Variants in SIPA1L2 observed in about 807,000 individuals in gnomAD.
SIPA1L2 encodes signal induced proliferation associated 1 like 2.
Under a neutral mutation model 163.9 loss-of-function variants are expected in SIPA1L2, and 56 were observed. That is an observed-to-expected ratio of 0.34 (90% CI 0.28 to 0.43). The LOEUF (loss-of-function observed/expected upper bound fraction) is 0.43, where lower values mean the gene tolerates loss of function less well. SIPA1L2 is among the 20% of genes least tolerant of loss of function. The probability of loss-of-function intolerance (pLI) is 1.00; values close to 1 mark genes in which losing one functional copy is unlikely to be tolerated. For synonymous variants in SIPA1L2, 877 were observed against 865.7 expected (o/e 1.01, Z -0.23); for missense variants, 1,974 against 2,193.5 (o/e 0.90, Z 2.00).
intron 18 of SIPA1L2, among the ~76,000 whole-genome samples, chr1:232,417,458 C>T (rs542865007): frequency 6.6e-6 from 1 of 152,170 alleles, no homozygotes; most frequent in South Asian, 2.1e-4. Flanking sequence ...TCTACTTGTT[C>T]TGTGTGTGAT....
At chr1:232,538,636 T>C (rs979262751) in intron 2 of SIPA1L2, among the ~76,000 whole-genome samples, 4 of 152,126 alleles carry the variant, frequency 2.6e-5, no homozygotes, top group African/African-American at 4.8e-5. Context: ...TCTATGCTAA[T>C]TCCTACTTCA....
intron 2 of SIPA1L2, among the ~76,000 whole-genome samples, chr1:232,524,776 T>A (rs1667616136): frequency 6.6e-6 from 1 of 152,136 alleles, no homozygotes; most frequent in South Asian, 2.1e-4. Flanking sequence ...ACAAAGTATG[T>A]TAAAAATCTA....
intron 19 of SIPA1L2, among the ~76,000 whole-genome samples, chr1:232,409,761 G>C (rs915736936): frequency 6.6e-6 from 1 of 152,084 alleles, no homozygotes; most frequent in South Asian, 2.1e-4. Flanking sequence ...GCAGCTGCCT[G>C]AGTGACCCCA....
chr1:232,576,072 T>G (rs1264336004), intron 1 of SIPA1L2, among the ~76,000 whole-genome samples: 1 of 152,196 alleles, frequency 6.6e-6, no homozygotes, highest in Non-Finnish European at 1.5e-5. Context: ...TGAAGAGGTC[T>G]GAAAATGGAT....
rs551115334 is a variant in SIPA1L2, at chr1:232,512,960, C to T, written c.1483+897G>A. Among the ~76,000 whole-genome samples the T allele has an allele frequency of 3.9e-5, 6 of 152,236 alleles. No individual in the cohort carries two copies. The South Asian group carries it at 6.2e-4, about 16-fold the overall frequency. Reference sequence around the variant, plus strand: ...GAGGTTATCCCTGGATCCCTGGGAGCAGGAAGAGGGCTGACGGGTGAAACT... The same window carrying T: ...GAGGTTATCCCTGGATCCCTGGGAGTAGGAAGAGGGCTGACGGGTGAAACT... On this transcript the variant is annotated intron_variant, in intron 3 of 22. Coordinates refer to ENST00000674635, the MANE Select transcript of SIPA1L2 (RefSeq NM_020808.5).
chr1:232,514,506 G>A lies in SIPA1L2; in HGVS notation c.834C>T (p.Phe278=), dbSNP rs1035447313. 2.5e-6 allele frequency: 4 copies of A among 1,614,072 alleles called. No individual in the cohort carries two copies. The African/African-American group carries it at 4.0e-5, about 16-fold the overall frequency. ...CCGACTCTGATTTCAACCTCCGTTT[G>A]AAAGGCTTGTCCCTGTCTCTCCCCA... ...LLMGRDRDKP[F]KRRLKSESVE... is the part of the protein sequence containing the mutation. The change falls in exon 3 of 23, where the codon TTC becomes TTT. Residue 278 remains phenylalanine (F), a synonymous_variant. Coordinates refer to ENST00000674635, the MANE Select transcript of SIPA1L2 (RefSeq NM_020808.5).
intron 19 of SIPA1L2, among the ~76,000 whole-genome samples, chr1:232,408,028 G>A (rs1294915259): frequency 6.6e-6 from 1 of 152,144 alleles, no homozygotes; most frequent in Non-Finnish European, 1.5e-5. Context: ...AACTTGACAT[G>A]ATTCTACGTA....
chr1:232,508,737 C>T (rs907799529), intron 3 of SIPA1L2, among the ~76,000 whole-genome samples: 2 of 152,158 alleles, frequency 1.3e-5, no homozygotes, highest in Non-Finnish European at 2.9e-5. Context: ...GGTTATCGCC[C>T]GTGAAAGGAA....
chr1:232,480,224 C>T (rs1049811008), intron 6 of SIPA1L2, among the ~76,000 whole-genome samples: 1 of 151,096 alleles, frequency 6.6e-6, no homozygotes, highest in South Asian at 2.1e-4. Flanking sequence ...ATTCTTGGCA[C>T]TTGATCTTCC....
chr1:232,584,741 A>G (rs920642820), intron 1 of SIPA1L2, among the ~76,000 whole-genome samples: 1 of 152,256 alleles, frequency 6.6e-6, no homozygotes, highest in Non-Finnish European at 1.5e-5. Flanking sequence ...TTCTTAAATC[A>G]TACTTAAATG....
chr1:232,517,103 CACTAGAAAGT>C (rs1667251591), intron 2 of SIPA1L2, among the ~76,000 whole-genome samples: 5 of 152,118 alleles, frequency 3.3e-5, no homozygotes, highest in African/African-American at 1.2e-4. Flanking sequence ...TGGCATAATG[CACTAGAAAGT>C]TGTATTCTTG....
Position 232,432,251 on chromosome 1 carries a change from G to A in SIPA1L2, c.4252C>T (p.Pro1418Ser). ...PPEEPEVTECPGMYSEMDVMS... is the reference protein window; with the variant it reads ...PPEEPEVTECSGMYSEMDVMS... ...AAGAACAGCCAGCCACCTTACCCGG[G>A]ACATTCAGTCACTTCAGGCTCCTCG... Residue 1418 changes from proline (P) to serine (S), a missense_variant, in exon 16 of 23, where the codon CCC becomes TCC. Pro to Ser is a moderately conservative substitution (Grantham distance 74). This residue lies in a region of SIPA1L2 where 1,079 missense variants were observed against 1,150.7 expected (regional missense o/e 0.94). Transcript: ENST00000674635. The A allele has an allele frequency of 6.2e-7, 1 of 1,613,390 alleles. No homozygotes were observed. The highest frequency in any genetic ancestry group is 8.5e-7 in the Non-Finnish European group (1 of 1,179,868).
intron 1 of SIPA1L2, among the ~76,000 whole-genome samples, chr1:232,629,007 A>T (rs924753960): frequency 3.3e-5 from 5 of 152,196 alleles, no homozygotes; most frequent in Admixed American, 6.5e-5. Flanking sequence ...TGTTTTGACC[A>T]AAATCATGTT....
chr1:232,474,732 TACA>T (rs1183319441), intron 7 of SIPA1L2, among the ~76,000 whole-genome samples: 2 of 151,640 alleles, frequency 1.3e-5, no homozygotes, highest in African/African-American at 4.9e-5. Flanking sequence ...CCAAAATATG[TACA>T]ACTATTATAT....
intron 10 of SIPA1L2, among the ~76,000 whole-genome samples, chr1:232,450,114 A>T (rs1465328612): frequency 6.6e-6 from 1 of 152,224 alleles, no homozygotes; most frequent in Non-Finnish European, 1.5e-5. Context: ...TTCTCTGTGC[A>T]TCAGTAAAGG....
chr1:232,425,930 T>C, intron 17 of SIPA1L2, 122 bp from the exon 18 acceptor site: 1 of 873,368 alleles, frequency 1.1e-6, no homozygotes, highest in Non-Finnish European at 1.7e-6. Context: ...TTTTCTCTGT[T>C]AGCTCAAGAA....
At chr1:232,522,155 C>T (rs1450671019) in intron 2 of SIPA1L2, among the ~76,000 whole-genome samples, 3 of 152,116 alleles carry the variant, frequency 2.0e-5, no homozygotes, top group South Asian at 2.1e-4. Context: ...GAGTTAGAAC[C>T]ACTATCATAG....
chr1:232,548,708 G>A lies in SIPA1L2; in HGVS notation c.-270+25466C>T, dbSNP rs142167885. On this transcript the variant is annotated intron_variant, in intron 2 of 22. Transcript: ENST00000674635. ...GGCAAGGCCTCCCACAGTCTTGGAG[G>A]TAGTGTAAACCCCACACTCCAACAG... Among the ~76,000 whole-genome samples the A allele has an allele frequency of 2.0e-5, 3 of 152,286 alleles. No homozygotes were observed. The East Asian group carries it at 5.8e-4, about 30-fold the overall frequency.
intron 10 of SIPA1L2, among the ~76,000 whole-genome samples, chr1:232,454,578 G>A (rs112082641): frequency 1.1e-3 from 171 of 152,298 alleles, no homozygotes; most frequent in African/African-American, 3.7e-3. Flanking sequence ...GATTTTTGAC[G>A]AATGTATTTC....
Sources: allele counts gnomAD v4.1 joint callset (sites outside exome capture counted in the v4.1 genomes callset), GRCh38; gene constraint gnomAD v4.1.1; regional missense constraint gnomAD v4.1.1; transcripts MANE v1.5; gene names NCBI Gene and HGNC (gene_info 2026-07-23, HGNC 2026-07-21).